NEB: variants seen among roughly 807,000 people sequenced by gnomAD.
NEB encodes the protein nemaline myopathy type 2.
NEB carries 512 observed loss-of-function variants against 952.2 expected under a neutral mutation model. That is an observed-to-expected ratio of 0.54 (90% CI 0.50 to 0.58). The LOEUF (loss-of-function observed/expected upper bound fraction) is 0.58. Ranked by LOEUF, NEB falls within the 20% of genes least tolerant of loss-of-function variation. The pLI, the probability that NEB is intolerant of heterozygous loss-of-function variation, is 0.00. For synonymous variants in NEB, 2,900 were observed against 3,149.8 expected (o/e 0.92, Z 2.66); for missense variants, 8,428 against 9,231.1 (o/e 0.91, Z 3.56).
intron 71 of NEB, among the ~76,000 whole-genome samples, chr2:151,622,584 T>C: frequency 6.6e-6 from 1 of 152,308 alleles, no homozygotes; most frequent in South Asian, 2.1e-4. Flanking sequence ...GTGTATTTCT[T>C]CATTTTACTT....
At chr2:151,659,197 T>C in intron 46 of NEB, 28 bp from the exon 47 acceptor site, 1 of 1,487,726 alleles carries the variant, frequency 6.7e-7, no homozygotes, top group South Asian at 1.1e-5. Flanking sequence ...TAAATTAGTG[T>C]TTAAAATCTT....
intron 44 of NEB, 125 bp from the exon 45 acceptor site, chr2:151,663,984 C>A: frequency 1.1e-6 from 1 of 951,316 alleles, no homozygotes; most frequent in South Asian, 1.9e-5. Context: ...GGAAGGGAGG[C>A]ACTCGTGAGA....
chr2:151,724,762 G>C, intron 7 of NEB, 95 bp downstream of exon 7: 1 of 948,802 alleles, frequency 1.1e-6, no homozygotes, highest in East Asian at 2.5e-5. Context: ...GAGGCTGGTG[G>C]GCAGGATCAG....
chr2:151,503,420 C>G lies in NEB; in HGVS notation c.23764G>C (p.Gly7922Arg). The G allele has an allele frequency of 6.2e-7, 1 of 1,611,472 alleles. No homozygotes were observed. Among genetic ancestry groups the G allele is most frequent in the South Asian group, 1.1e-5 (1 of 90,978 alleles). The change falls in exon 166 of 182, where the codon GGA becomes CGA. Residue 7922 changes from glycine (G) to arginine (R), a missense_variant. By Grantham distance (125) the Gly-to-Arg change is moderately radical. Around this residue, in one of 11 missense-constraint regions of NEB, gnomAD observed 3,374 missense variants for 3,651.5 expected, o/e 0.92. Coordinates refer to ENST00000397345, the MANE Select transcript of NEB (RefSeq NM_001164508.2). ...GTCACAGTGGTTGGAATGCCTGTTC[C>G]CAAGTTTTCTTTGTACATAACCTGT... is the stretch of plus-strand genomic sequence containing the variant. ...ISSVMYKENL[G>R]TGIPTTVTPE...
At chr2:151,510,136 G>A (rs2153226678) in intron 161 of NEB, among the ~76,000 whole-genome samples, 1 of 152,252 alleles carries the variant, frequency 6.6e-6, no homozygotes, top group Middle Eastern at 3.4e-3. Context: ...ATTTAAATGG[G>A]TTCAGGTGCT....
At position 151,666,226 on chromosome 2, in the gene NEB, A is replaced by G; in HGVS notation, c.4895T>C (p.Val1632Ala). The stretch of plus-strand genomic sequence containing the variant: ...AGATTTCTTTGCAGCTGTCACACTG[A>G]CCATATCCAGAGGTGTGTGGTACTT... ...KTKYHTPLDM[V>A]SVTAAKKSQE... Residue 1632 changes from valine (V) to alanine (A), a missense_variant, in exon 41 of 182, where the codon GTC becomes GCC. Coordinates refer to ENST00000397345, the MANE Select transcript of NEB (RefSeq NM_001164508.2). The G allele has an allele frequency of 6.2e-7, 1 of 1,613,972 alleles. No individual in the cohort carries two copies. Among genetic ancestry groups the G allele is most frequent in the Non-Finnish European group, 8.5e-7 (1 of 1,179,878 alleles).
chr2:151,612,188 T>C lies in NEB; in HGVS notation c.11803A>G (p.Lys3935Glu). ...ACAGAAAACAGCTGGAGACTCACCT[T>C]GCTCATTGTCAGGGCATTATTCTTT... ...LAKNNALTMS[K>E]HLYTEAWDAD... The change falls in exon 78 of 182, where the codon AAG (lysine) becomes GAG (glutamate). Residue 3935 changes from lysine (K) to glutamate (E), a missense_variant and splice_region_variant. Around this residue, in one of 11 missense-constraint regions of NEB, gnomAD observed 337 missense variants for 297.5 expected, o/e 1.13. Coordinates refer to ENST00000397345, the MANE Select transcript of NEB (RefSeq NM_001164508.2). 2 of 1,613,062 alleles carry C rather than the reference T, an allele frequency of 1.2e-6. No individual in the cohort carries two copies. Among genetic ancestry groups the C allele is most frequent in the Non-Finnish European group, 1.7e-6 (2 of 1,179,258 alleles).
chr2:151,553,672 T>C (rs1437128033), intron 126 of NEB, among the ~76,000 whole-genome samples, 156 bp downstream of exon 126: 1 of 152,216 alleles, frequency 6.6e-6, no homozygotes, highest in Admixed American at 6.5e-5. Context: ...AGAGCCCTGC[T>C]TCCAGAGACA....
chr2:151,732,816 G>C (rs558432537), intron 3 of NEB, among the ~76,000 whole-genome samples: 3 of 152,236 alleles, frequency 2.0e-5, no homozygotes, highest in African/African-American at 7.2e-5. Flanking sequence ...TTGAACATCG[G>C]GGTTGGGAAG....
chr2:151,636,544 C>T (rs1463722787), intron 63 of NEB, among the ~76,000 whole-genome samples: 1 of 152,140 alleles, frequency 6.6e-6, no homozygotes, highest in Non-Finnish European at 1.5e-5. Context: ...CTTTGGGAGG[C>T]AGAGGCGGGT....
At position 151,555,002 on chromosome 2, in the gene NEB, T is replaced by C. The variant is rs968182845; in HGVS notation, c.19357A>G (p.Thr6453Ala). 1 of 1,613,754 alleles carries C rather than the reference T, an allele frequency of 6.2e-7. No homozygotes were observed. The highest frequency in any genetic ancestry group is 8.5e-7 in the Non-Finnish European group (1 of 1,179,670). Residue 6453 changes from threonine to alanine, a missense_variant, in exon 125 of 182, where the codon ACG becomes GCG. Transcript: ENST00000397345. The part of the protein sequence containing the change: ...EEYEKFKALY[T>A]LPRSVDDDPN... ...TCATCGTCAACACTTCTTGGTAACGTATAAAGAGCTTTGAACTTTTCATAT... is the reference window on the plus strand; with the variant it reads ...TCATCGTCAACACTTCTTGGTAACGCATAAAGAGCTTTGAACTTTTCATAT...
At chr2:151,562,057 C>T (rs1250441403) in intron 121 of NEB, 53 bp downstream of exon 121, 5 of 1,431,100 alleles carry the variant, frequency 3.5e-6, no homozygotes, top group African/African-American at 2.8e-5. Context: ...ACTGACACCA[C>T]CATGGATTCT....
Position 151,650,224 on chromosome 2 carries a change from A to G in NEB, c.7383T>C (p.Asp2461=), listed in dbSNP as rs756778687. Residue 2461 remains aspartate, a synonymous_variant, in exon 54 of 182, where the codon GAT becomes GAC. Coordinates refer to ENST00000397345, the MANE Select transcript of NEB (RefSeq NM_001164508.2). ...TCTTTGCCAGAACTATATCCATGGC[A>G]TCAGGAATGCTGGTGAACTTGTTTC... is the stretch of plus-strand genomic sequence containing the variant. ...PDRNKFTSIP[D]AMDIVLAKTN... is the part of the protein sequence containing the mutation. 1.9e-6 allele frequency: 3 copies of G among 1,613,950 alleles called. No individual in the cohort carries two copies. In the African/African-American group the frequency reaches 4.0e-5, roughly 22 times the overall value.
chr2:151,538,133 G>T lies in NEB; in HGVS notation c.20997+7C>A, dbSNP rs1447554922. 6.3e-7 allele frequency: 1 copy of T among 1,592,306 alleles called. No individual in the cohort carries two copies. The highest frequency in any genetic ancestry group is 2.2e-5 in the East Asian group (1 of 44,774). ...CCCAACACAAGTAGAAATATTTAGG[G>T]ACATACTTTACTGATGTCATCTGTG... On this transcript the variant is annotated splice_region_variant and intron_variant, in intron 139 of 181. Coordinates refer to ENST00000397345, the MANE Select transcript of NEB (RefSeq NM_001164508.2).
At chr2:151,689,269 A>G (rs945900627) in intron 24 of NEB, 5 of 139,958 alleles carry the variant, frequency 3.6e-5, no homozygotes, top group African/African-American at 1.3e-4. Context: ...CAGTGACACA[A>G]TCTCGGCTCA....
At position 151,654,832 on chromosome 2, in the gene NEB, T is replaced by C. The variant is rs143437615; in HGVS notation, c.6807+438A>G. Among the ~76,000 whole-genome samples, 1,248 of 152,264 alleles carry C rather than the reference T, an allele frequency of 8.2e-3. 24 individuals carry two copies. The highest frequency in any genetic ancestry group is 0.029 in the African/African-American group (1,194 of 41,540). On this transcript the variant is annotated intron_variant, in intron 51 of 181. Coordinates refer to ENST00000397345, the MANE Select transcript of NEB (RefSeq NM_001164508.2). ...AAGCCAAAACTCATACCAAGTCTGTTTGATGCAATTTTTACTTTATTTATG... is the reference window on the plus strand; with the variant it reads ...AAGCCAAAACTCATACCAAGTCTGTCTGATGCAATTTTTACTTTATTTATG...
At chr2:151,695,710 C>T (rs1353851716) in intron 17 of NEB, 28 bp from the exon 18 acceptor site, 1 of 1,507,732 alleles carries the variant, frequency 6.6e-7, no homozygotes, top group Non-Finnish European at 9.2e-7. Context: ...CCAATTAGTT[C>T]AGAAGAATTG....
At chr2:151,549,288 C>T (rs1291123216) in intron 130 of NEB, among the ~76,000 whole-genome samples, 1 of 152,116 alleles carries the variant, frequency 6.6e-6, no homozygotes, top group East Asian at 1.9e-4. Flanking sequence ...CTCAGTAGTG[C>T]GTGTGTGAAG....
chr2:151,612,869 G>T (rs923798519), intron 77 of NEB, among the ~76,000 whole-genome samples: 1 of 152,214 alleles, frequency 6.6e-6, no homozygotes, highest in East Asian at 1.9e-4. Flanking sequence ...CGTCTTTTTC[G>T]TATGCTTCTA....
Sources: gnomAD v4.1 joint callset for allele counts (sites outside exome capture counted in the v4.1 genomes callset) on GRCh38, gnomAD v4.1.1 for gene constraint, gnomAD v4.1.1 regional missense constraint, MANE v1.5 for transcripts, NCBI Gene and HGNC (gene_info 2026-07-23, HGNC 2026-07-21) for gene names.